Variants in RARB observed in about 807,000 individuals in gnomAD.
RARB encodes the protein HBV-activated protein.
Under a neutral mutation model 51.9 loss-of-function variants are expected in RARB, and 17 were observed. That is an observed-to-expected ratio of 0.33 (90% CI 0.22 to 0.49). The LOEUF is 0.49. Ranked by LOEUF, RARB falls within the 20% of genes least tolerant of loss-of-function variation. The pLI is 0.99. For missense variants in RARB, 369 were observed against 550.8 expected (o/e 0.67, Z 3.30); for synonymous variants, 215 against 195.4 (o/e 1.10, Z -0.84).
intron 3 of RARB, among the ~76,000 whole-genome samples, chr3:25,126,043 C>G (rs1699854548): frequency 6.6e-6 from 1 of 152,132 alleles, no homozygotes; most frequent in East Asian, 1.9e-4. Context: ...TCAATAGATT[C>G]ACTGCCAGTT....
chr3:25,174,000 C>T (rs1207554360), intron 4 of RARB: 1 of 156,128 alleles, frequency 6.4e-6, no homozygotes, highest in Non-Finnish European at 1.4e-5. Context: ...GAAGCAGTAA[C>T]TGTAGGAAGA....
In RARB at chr3:25,069,794, C is replaced by T. The variant is rs78249766; in HGVS notation, c.-328+9618C>T. Among the ~76,000 whole-genome samples, 681 of 152,296 alleles carry T rather than the reference C, an allele frequency of 4.5e-3. 11 individuals carry two copies. The highest frequency in any genetic ancestry group is 0.041 in the South Asian group (199 of 4,830). On this transcript the variant is annotated intron_variant, in intron 3 of 11. Transcript: ENST00000383772. ...TTGACCCTTCAGTAGCAAATATTCA[C>T]ATATACAAATGTTGAGACACAAAAT...
intron 5 of RARB, among the ~76,000 whole-genome samples, chr3:25,185,065 G>A (rs1700946040): frequency 6.6e-6 from 1 of 152,050 alleles, no homozygotes; most frequent in South Asian, 2.1e-4. Context: ...TTCTACATGT[G>A]CATGTGCTTT....
In RARB at chr3:25,461,264, G is replaced by A; in HGVS notation, c.229G>A (p.Val77Met). The A allele has an allele frequency of 1.9e-6, 3 of 1,613,818 alleles. No homozygotes were observed. Among genetic ancestry groups the A allele is most frequent in the Non-Finnish European group, 2.5e-6 (3 of 1,179,970 alleles). ...SPPSPLPPPR[V>M]YKPCFVCQDK... is the part of the protein sequence containing the mutation. ...CCCATCTCCACTTCCTCCCCCTCGA[G>A]TGTACAAACCCTGCTTCGTCTGCCA... The change falls in exon 2 of 8, where the codon GTG becomes ATG. Residue 77 changes from valine to methionine, a missense_variant. Physicochemically the swap from Val to Met is conservative, Grantham distance 21. Coordinates refer to ENST00000330688, the MANE Select transcript of RARB (RefSeq NM_000965.5).
At chr3:25,487,363 A>G (rs2125588409) in intron 2 of RARB, among the ~76,000 whole-genome samples, 1 of 152,332 alleles carries the variant, frequency 6.6e-6, no homozygotes, top group Middle Eastern at 3.4e-3. Context: ...CAAAGCAGAT[A>G]AGGTATCAAC....
intron 5 of RARB, among the ~76,000 whole-genome samples, chr3:25,304,124 C>A (rs142884052): frequency 6.6e-6 from 1 of 152,114 alleles, no homozygotes; most frequent in South Asian, 2.1e-4. Flanking sequence ...ATAGCTGAAC[C>A]CAAAACCCAA....
At chr3:25,287,892 G>A (rs888764549) in intron 5 of RARB, among the ~76,000 whole-genome samples, 4 of 151,954 alleles carry the variant, frequency 2.6e-5, no homozygotes, top group African/African-American at 9.7e-5. Context: ...TAGATCGACT[G>A]TGATCTTAAA....
At chr3:25,042,384 T>A (rs937897946) in intron 2 of RARB, among the ~76,000 whole-genome samples, 1 of 152,202 alleles carries the variant, frequency 6.6e-6, no homozygotes, top group East Asian at 1.9e-4. Context: ...AAGACTATTG[T>A]CTCACTAAAA....
chr3:25,473,285 G>A (rs1014624771), intron 2 of RARB, among the ~76,000 whole-genome samples: 2 of 151,628 alleles, frequency 1.3e-5, no homozygotes, highest in African/African-American at 4.9e-5. Flanking sequence ...TTTGTTCTAT[G>A]GACCCTAGAA....
chr3:25,333,354 G>A (rs1180590322), intron 5 of RARB, among the ~76,000 whole-genome samples: 1 of 152,064 alleles, frequency 6.6e-6, no homozygotes, highest in Admixed American at 6.5e-5. Context: ...AAAGAACAGA[G>A]GCCTCAGAAA....
At chr3:25,388,276 T>G (rs913729742) in intron 5 of RARB, among the ~76,000 whole-genome samples, 1 of 152,186 alleles carries the variant, frequency 6.6e-6, no homozygotes, top group Non-Finnish European at 1.5e-5. Flanking sequence ...CAAAGACATA[T>G]GGTTTTGAAA....
chr3:24,927,735 C>T (rs1255960164), intron 2 of RARB, among the ~76,000 whole-genome samples: 1 of 152,062 alleles, frequency 6.6e-6, no homozygotes, highest in Non-Finnish European at 1.5e-5. Flanking sequence ...CCTCAATATA[C>T]TAACCTTGTT....
At chr3:25,256,775 G>A (rs760557924) in intron 5 of RARB, among the ~76,000 whole-genome samples, 5 of 151,908 alleles carry the variant, frequency 3.3e-5, no homozygotes, top group Non-Finnish European at 7.4e-5. Context: ...TTTGGCAAAC[G>A]TGTATAATGA....
chr3:25,258,111 C>T (rs781022201), intron 5 of RARB, among the ~76,000 whole-genome samples: 17 of 152,164 alleles, frequency 1.1e-4, no homozygotes, highest in South Asian at 2.1e-4. Context: ...TAAAGGTTGA[C>T]GAATAGCTGG....
chr3:25,517,992 C>T (rs886984064), intron 3 of RARB, among the ~76,000 whole-genome samples: 2 of 152,052 alleles, frequency 1.3e-5, no homozygotes, highest in African/African-American at 4.8e-5. Context: ...AGTTGTCAAG[C>T]AGTGGTGAAT....
In RARB at chr3:24,977,242, G is replaced by A. The variant is rs190963560; in HGVS notation, c.-379-82883G>A. Among the ~76,000 whole-genome samples, 317 of 152,192 alleles carry A rather than the reference G, an allele frequency of 2.1e-3. 1 individual carries two copies. The highest frequency in any genetic ancestry group is 7.2e-3 in the African/African-American group (297 of 41,536). On this transcript the variant is annotated intron_variant, in intron 2 of 11. Transcript: ENST00000383772. ...TTGCTCAGGATTGACTTGGCTATAT[G>A]GGCTCTTTTTTGGTTTCATATGAAA... is the stretch of plus-strand genomic sequence containing the variant.
chr3:25,319,925 A>G (rs916207488), intron 5 of RARB, among the ~76,000 whole-genome samples: 1 of 152,096 alleles, frequency 6.6e-6, no homozygotes, highest in Non-Finnish European at 1.5e-5. Flanking sequence ...CACTATCTCA[A>G]TGTCACAGCT....
At chr3:25,254,124 A>G (rs1702798627) in intron 5 of RARB, among the ~76,000 whole-genome samples, 1 of 152,218 alleles carries the variant, frequency 6.6e-6, no homozygotes, top group South Asian at 2.1e-4. Context: ...TTGAAATAAA[A>G]TGTCAACCCT....
chr3:25,434,948 C>T lies in RARB; in HGVS notation c.157+6060C>T, dbSNP rs550533846. Among the ~76,000 whole-genome samples the T allele has an allele frequency of 5.3e-5, 8 of 152,276 alleles. No individual in the cohort carries two copies. The South Asian group carries it at 1.5e-3, about 28-fold the overall frequency. ...AGCCCTGAAACCACTTAGCAGTTTTCCTCCCCTTTTTCCTTCTTCCCTTTC... is the reference window on the plus strand; with the variant it reads ...AGCCCTGAAACCACTTAGCAGTTTTTCTCCCCTTTTTCCTTCTTCCCTTTC... On this transcript the variant is annotated intron_variant, in intron 1 of 7. Coordinates refer to ENST00000330688, the MANE Select transcript of RARB (RefSeq NM_000965.5).
Sources: allele counts gnomAD v4.1 joint callset (sites outside exome capture counted in the v4.1 genomes callset), GRCh38; gene constraint gnomAD v4.1.1; transcripts MANE v1.5; gene names NCBI Gene and HGNC (gene_info 2026-07-23, HGNC 2026-07-21).